Variants in ZNF333 observed in about 807,000 individuals in gnomAD.
The protein encoded by ZNF333 is zinc finger protein 333.
A neutral mutation model predicts 76.1 loss-of-function variants in ZNF333; 61 were observed. That is an observed-to-expected ratio of 0.80 (90% CI 0.65 to 0.99). The LOEUF is 0.99. Among genes scored for constraint, ZNF333 ranks in the 50% least tolerant of loss-of-function variants. ZNF333 has a pLI of 0.00. For missense variants in ZNF333, 717 were observed against 822.4 expected, an observed-to-expected ratio of 0.87 and a Z score of 1.57; for synonymous variants, 284 against 305.0, an observed-to-expected ratio of 0.93 and a Z score of 0.72.
At chr19:14,693,409 G>C (rs376282172) in intron 1 of ZNF333, 42 bp from the exon 2 acceptor site, 2 of 1,521,790 alleles carry the variant, frequency 1.3e-6, no homozygotes, top group Non-Finnish European at 1.8e-6. Context: ...CTCTGCTTCC[G>C]TCCTCACCCC....
At chr19:14,726,641 T>G (rs185364400), downstream of ZNF333, among the ~76,000 whole-genome samples, 483 of 152,278 alleles carry the variant, frequency 3.2e-3, 2 homozygotes, top group Admixed American at 0.013. Flanking sequence ...CACCAGACAC[T>G]CTCTAAGTCA....
Position 14,720,595 on chromosome 19 carries a change from GTTTTC to G in ZNF333, c.*1275_*1279del. 9.1e-6 allele frequency: 9 copies of G among 985,330 alleles called. No individual in the cohort carries two copies. The highest frequency in any genetic ancestry group is 1.1e-5 in the Non-Finnish European group (9 of 829,914). 61.0% of individuals were successfully genotyped at this position (985,330 alleles called of 1,614,324 possible). Reference sequence around the variant, plus strand: ...AAAATATGCACTTCTTACTGGTACAGTTTTCTTTTGTTTGTTTTTGTTTTTGGTGG... The same window carrying G: ...AAAATATGCACTTCTTACTGGTACAGTTTTGTTTGTTTTTGTTTTTGGTGG... On this transcript the variant is annotated 3_prime_UTR_variant, in exon 12 of 12. Coordinates refer to ENST00000292530, the MANE Select transcript of ZNF333 (RefSeq NM_032433.4).
At chr19:14,728,031 G>A (rs746728510) in intron 11 of ZNF333, among the ~76,000 whole-genome samples, 26 of 152,278 alleles carry the variant, frequency 1.7e-4, no homozygotes, top group Middle Eastern at 6.8e-3. Flanking sequence ...GACCATCCTG[G>A]CTAACACGGT....
At chr19:14,693,359 G>A in intron 1 of ZNF333, 92 bp from the exon 2 acceptor site, 1 of 965,822 alleles carries the variant, frequency 1.0e-6, no homozygotes, top group Middle Eastern at 2.3e-4. Flanking sequence ...TCCTGTAAGG[G>A]TTTTGATTGT....
rs60299211 is a variant in ZNF333 at position 14,698,899 on chromosome 19, GATATATATATATATATATATAT to G, written c.224-284_224-263del. Among the ~76,000 whole-genome samples, 368 of 132,716 alleles carry G rather than the reference GATATATATATATATATATATAT, an allele frequency of 2.8e-3. 3 individuals carry two copies. The highest frequency in any genetic ancestry group is 5.0e-3 in the Non-Finnish European group (314 of 62,592). The allele number at this position is 132,716 out of a possible 152,430, so 87.1% of individuals were successfully genotyped here. A position where few individuals can be genotyped will look rare whatever the true frequency, so the allele number is the denominator to read the frequency against. Reference sequence around the variant, plus strand: ...ATGTGTGTACACACACACAAATATAGATATATATATATATATATATATATATATATATATATACACACATATA... The same window carrying G: ...ATGTGTGTACACACACACAAATATAGATATATATATATATACACACATATA... On this transcript the variant is annotated intron_variant, in intron 4 of 11. Transcript: ENST00000292530.
intron 7 of ZNF333, chr19:14,708,569 T>C (rs1599728212): frequency 5.3e-6 from 2 of 380,804 alleles, no homozygotes; most frequent in Non-Finnish European, 4.7e-6. Flanking sequence ...CTGCTGATAA[T>C]GGGCTACTGC....
chr19:14,705,795 C>T (rs2042092887), intron 6 of ZNF333, among the ~76,000 whole-genome samples: 1 of 152,170 alleles, frequency 6.6e-6, no homozygotes, highest in African/African-American at 2.4e-5. Flanking sequence ...GCTGCAGGCT[C>T]CTTATGAGAA....
At chr19:14,706,803 C>T (rs777479204) in intron 7 of ZNF333, 30 bp downstream of exon 7, 5 of 1,582,142 alleles carry the variant, frequency 3.2e-6, no homozygotes, top group South Asian at 1.1e-5. Flanking sequence ...AACACGTGGC[C>T]AGAGGGCCCT....
At chr19:14,706,960 G>A in intron 7 of ZNF333, 187 bp downstream of exon 7, 4 of 532,122 alleles carry the variant, frequency 7.5e-6, no homozygotes, top group Non-Finnish European at 1.3e-5. Context: ...TCCAGTGACA[G>A]ATCTTTAAGA....
intron 7 of ZNF333, among the ~76,000 whole-genome samples, chr19:14,714,236 C>G (rs2042359498): frequency 6.6e-6 from 1 of 152,092 alleles, no homozygotes; most frequent in Admixed American, 6.5e-5. Flanking sequence ...GTGAATGTGG[C>G]CTTATTGGAA....
downstream of ZNF333, chr19:14,722,011 A>C (rs2042594978): frequency 6.6e-6 from 1 of 152,218 alleles, no homozygotes; most frequent in Non-Finnish European, 1.5e-5. Flanking sequence ...ACAGTTTTTC[A>C]ATGTGGTTGA....
intron 7 of ZNF333, among the ~76,000 whole-genome samples, chr19:14,707,491 C>T (rs905646952): frequency 6.6e-6 from 1 of 150,616 alleles, no homozygotes; most frequent in Non-Finnish European, 1.5e-5. Context: ...TTAACTTTAA[C>T]AGTAAGGTGT....
At chr19:14,716,308 G>A in intron 9 of ZNF333, 70 bp downstream of exon 9, 2 of 1,545,372 alleles carry the variant, frequency 1.3e-6, no homozygotes, top group Non-Finnish European at 1.7e-6. Flanking sequence ...GCCTAGGCTG[G>A]AGTGTGATGG....
chr19:14,693,998 A>G (rs866794092), intron 2 of ZNF333, among the ~76,000 whole-genome samples: 10 of 151,550 alleles, frequency 6.6e-5, no homozygotes, highest in Admixed American at 2.0e-4. Flanking sequence ...AAAAAAAAAA[A>G]AAAAAAATTA....
At chr19:14,712,830 A>G (rs1465773129) in intron 7 of ZNF333, among the ~76,000 whole-genome samples, 1 of 152,108 alleles carries the variant, frequency 6.6e-6, no homozygotes, top group African/African-American at 2.4e-5. Context: ...CATCTGCAAC[A>G]ATCCTATTTC....
At chr19:14,690,302 C>G (rs1191302324) in intron 1 of ZNF333, among the ~76,000 whole-genome samples, 152 bp downstream of exon 1, 1 of 152,168 alleles carries the variant, frequency 6.6e-6, no homozygotes, top group Non-Finnish European at 1.5e-5. Context: ...CAGTCAGGGC[C>G]TCGCATCTGG....
chr19:14,705,264 G>A, intron 6 of ZNF333, 94 bp downstream of exon 6: 1 of 1,160,648 alleles, frequency 8.6e-7, no homozygotes, highest in Non-Finnish European at 1.2e-6. Context: ...GGGAGGGAAA[G>A]GAGGGTGTTT....
intron 8 of ZNF333, among the ~76,000 whole-genome samples, chr19:14,715,677 G>C (rs902855375): frequency 2.0e-5 from 3 of 152,176 alleles, no homozygotes; most frequent in Non-Finnish European, 4.4e-5. Flanking sequence ...AGCACCAGGA[G>C]GGAAAACAAA....
chr19:14,717,642 C>T lies in ZNF333; in HGVS notation c.824-15C>T, dbSNP rs775474763. The stretch of plus-strand genomic sequence containing the variant: ...TCTCTGTGTGCTTAACTTTTTCTTC[C>T]CTAATTCATTTCAGAACCTCAGTGT... On this transcript the variant is annotated splice_polypyrimidine_tract_variant and intron_variant, in intron 10 of 11. Transcript: ENST00000292530. 5.0e-6 allele frequency: 8 copies of T among 1,611,768 alleles called. No homozygotes were observed. Among genetic ancestry groups the T allele is most frequent in the African/African-American group, 2.7e-5 (2 of 74,820 alleles).
Sources: gnomAD v4.1 joint callset for allele counts (sites outside exome capture counted in the v4.1 genomes callset) on GRCh38, gnomAD v4.1.1 for gene constraint, MANE v1.5 for transcripts, NCBI Gene and HGNC (gene_info 2026-07-23, HGNC 2026-07-21) for gene names.